The following TMEM131L variants were observed in gnomAD, a reference collection of about 807,000 sequenced individuals.
TMEM131L encodes transmembrane 131 like.
Under a neutral mutation model 192.2 loss-of-function variants are expected in TMEM131L, and 54 were observed. The ratio of observed to expected loss-of-function variants is 0.28; its 90% CI spans 0.23 to 0.35. The LOEUF (loss-of-function observed/expected upper bound fraction) is 0.35, where lower values mean the gene tolerates loss of function less well. TMEM131L is among the 10% of genes least tolerant of loss of function. The probability of loss-of-function intolerance (pLI) is 1.00; values close to 1 mark genes in which losing one functional copy is unlikely to be tolerated. For missense variants in TMEM131L, 1,888 were observed against 1,972.9 expected, an observed-to-expected ratio of 0.96 and a Z score of 0.82; for synonymous variants, 701 against 704.9, an observed-to-expected ratio of 0.99 and a Z score of 0.09.
At chr4:153,573,326 C>T (rs1729719627) in intron 7 of TMEM131L, among the ~76,000 whole-genome samples, 2 of 152,260 alleles carry the variant, frequency 1.3e-5, no homozygotes, top group African/African-American at 4.8e-5. Context: ...GCGACGGCAG[C>T]CTGCATCACA....
chr4:153,519,384 C>T (rs1207580286), intron 3 of TMEM131L, among the ~76,000 whole-genome samples: 2 of 152,106 alleles, frequency 1.3e-5, no homozygotes, highest in African/African-American at 2.4e-5. Flanking sequence ...TCCAGATGGA[C>T]GAATCTTTCA....
intron 26 of TMEM131L, among the ~76,000 whole-genome samples, chr4:153,614,313 T>G (rs2126628163): frequency 6.6e-6 from 1 of 152,300 alleles, no homozygotes; most frequent in African/African-American, 2.4e-5. Flanking sequence ...GAAGCACAAA[T>G]GGTGACATAG....
intron 18 of TMEM131L, among the ~76,000 whole-genome samples, chr4:153,593,219 A>G (rs553056138): frequency 1.4e-4 from 21 of 152,254 alleles, no homozygotes; most frequent in Middle Eastern, 3.4e-3. Context: ...GAATGTTTCC[A>G]GCTTCTCGTT....
chr4:153,584,533 T>C (rs943754336), intron 11 of TMEM131L, among the ~76,000 whole-genome samples: 2 of 152,240 alleles, frequency 1.3e-5, no homozygotes, highest in South Asian at 4.1e-4. Context: ...TTTTGCTCTT[T>C]AGGTTTTATT....
At chr4:153,498,027 G>A (rs562431092) in intron 3 of TMEM131L, among the ~76,000 whole-genome samples, 1 of 152,270 alleles carries the variant, frequency 6.6e-6, no homozygotes, top group East Asian at 1.9e-4. Context: ...AAAGAAAAAC[G>A]TTGTGTTCCG....
intron 3 of TMEM131L, among the ~76,000 whole-genome samples, chr4:153,503,501 G>T (rs1184568585): frequency 6.6e-6 from 1 of 152,126 alleles, no homozygotes; most frequent in Non-Finnish European, 1.5e-5. Context: ...TCTATTTAAA[G>T]TAACTAAGAT....
intron 26 of TMEM131L, among the ~76,000 whole-genome samples, chr4:153,615,343 G>A (rs1732902233): frequency 6.6e-6 from 1 of 152,174 alleles, no homozygotes; most frequent in Admixed American, 6.5e-5. Context: ...ATGTGTAGTA[G>A]ACAGTGGGAG....
intron 3 of TMEM131L, among the ~76,000 whole-genome samples, chr4:153,489,323 T>A (rs899090769): frequency 3.3e-5 from 5 of 152,150 alleles, no homozygotes; most frequent in Admixed American, 2.6e-4. Flanking sequence ...ACTCCTGGGC[T>A]CCAGCCGCAG....
chr4:153,484,633 T>C (rs1732184910), intron 3 of TMEM131L, among the ~76,000 whole-genome samples: 1 of 149,592 alleles, frequency 6.7e-6, no homozygotes, highest in Admixed American at 6.6e-5. Context: ...CACGCCCAGC[T>C]AATTTTTTGT....
chr4:153,484,627 C>G (rs111807613), intron 3 of TMEM131L, among the ~76,000 whole-genome samples: 2,713 of 149,920 alleles, frequency 0.018, 89 homozygotes, highest in African/African-American at 0.06. Context: ...CGCCACCACG[C>G]CCAGCTAATT....
intron 25 of TMEM131L, among the ~76,000 whole-genome samples, chr4:153,611,155 G>T (rs150285397): frequency 1.3e-5 from 2 of 152,218 alleles, no homozygotes; most frequent in Admixed American, 1.3e-4. Context: ...CTCCTCTGCC[G>T]ATTGGCTGCT....
chr4:153,544,741 G>A (rs1580179876), intron 3 of TMEM131L, among the ~76,000 whole-genome samples: 3 of 152,288 alleles, frequency 2.0e-5, no homozygotes, highest in East Asian at 3.9e-4. Context: ...GAGTTTCTCC[G>A]GTGGGTTTTC....
At chr4:153,602,098 T>G in intron 21 of TMEM131L, 54 bp from the exon 22 acceptor site, 1 of 1,066,622 alleles carries the variant, frequency 9.4e-7, no homozygotes, top group Non-Finnish European at 1.3e-6. Flanking sequence ...TAAATTATTT[T>G]AAATAAATTT....
chr4:153,471,027 G>A (rs933036935), intron 2 of TMEM131L, among the ~76,000 whole-genome samples: 7 of 148,678 alleles, frequency 4.7e-5, no homozygotes, highest in Admixed American at 2.7e-4. Context: ...TGCTCTTGTC[G>A]CCTAGGCTGG....
chr4:153,592,414 A>G, intron 17 of TMEM131L, 61 bp from the exon 18 acceptor site: 1 of 1,120,276 alleles, frequency 8.9e-7, no homozygotes, highest in Non-Finnish European at 1.4e-6. Context: ...TTTGGCCAGA[A>G]TATCTCAGGA....
intron 3 of TMEM131L, among the ~76,000 whole-genome samples, chr4:153,496,405 G>A (rs1226953243): frequency 3.3e-5 from 5 of 152,190 alleles, no homozygotes; most frequent in African/African-American, 1.2e-4. Context: ...CCCCCCTCAT[G>A]TCAGTATTAT....
At chr4:153,478,338 A>G (rs1289961412) in intron 3 of TMEM131L, among the ~76,000 whole-genome samples, 1 of 152,324 alleles carries the variant, frequency 6.6e-6, no homozygotes, top group Non-Finnish European at 1.5e-5. Context: ...TTTACCTTCT[A>G]CCTTCTTAAT....
chr4:153,623,640 CATA>C (rs2126776455), intron 29 of TMEM131L, among the ~76,000 whole-genome samples: 1 of 152,336 alleles, frequency 6.6e-6, no homozygotes, highest in Admixed American at 6.5e-5. Context: ...TTTCAGTTAG[CATA>C]ATGTCTTCAA....
In TMEM131L at chr4:153,486,271, A is replaced by G. The variant is rs183145006; in HGVS notation, c.239+12383A>G. Among the ~76,000 whole-genome samples the G allele has an allele frequency of 4.1e-4, 62 of 152,394 alleles. 1 individual carries two copies. Among genetic ancestry groups the G allele is most frequent in the African/African-American group, 1.3e-3 (53 of 41,590 alleles). On this transcript the variant is annotated intron_variant, in intron 3 of 34. Coordinates refer to ENST00000409959, the MANE Select transcript of TMEM131L (RefSeq NM_001131007.2). ...CTAATTCTAAGTGTGGATTATCCACAGATATTCAGCTACATAGCTTTTGAA... is the reference window on the plus strand; with the variant it reads ...CTAATTCTAAGTGTGGATTATCCACGGATATTCAGCTACATAGCTTTTGAA...
Sources: allele counts gnomAD v4.1 joint callset (sites outside exome capture counted in the v4.1 genomes callset), GRCh38; gene constraint gnomAD v4.1.1; transcripts MANE v1.5; gene names NCBI Gene and HGNC (gene_info 2026-07-23, HGNC 2026-07-21).